TLN2: variants seen among roughly 807,000 people sequenced by gnomAD.
TLN2 encodes the protein talin-2.
In TLN2, 118 loss-of-function variants were observed where a neutral mutation model predicts 294.7. The ratio of observed to expected loss-of-function variants is 0.40; its 90% CI spans 0.34 to 0.47. TLN2 has a LOEUF of 0.47. Ranked by LOEUF, TLN2 falls within the 20% of genes least tolerant of loss-of-function variation. The pLI is 0.84. For missense variants in TLN2, 3,083 were observed against 3,282.2 expected (o/e 0.94, Z 1.48); for synonymous variants, 1,431 against 1,304.5 (o/e 1.10, Z -2.09).
rs539870863 is a variant in TLN2, at chr15:62,543,460, G to T, written c.-237-46227G>T. ...AGGAATGAAAAATGATGAGACAGAT[G>T]TAAGATGGAGCTCTAGGCCAGACGC... On this transcript the variant is annotated intron_variant, in intron 1 of 58. Transcript: ENST00000636159. 2.0e-5 allele frequency among the ~76,000 whole-genome samples: 3 copies of T among 152,204 alleles called. No individual in the cohort carries two copies. In the South Asian group the frequency reaches 6.2e-4, roughly 32 times the overall value.
At chr15:62,570,943 G>A (rs1317383379) in intron 1 of TLN2, among the ~76,000 whole-genome samples, 2 of 149,082 alleles carry the variant, frequency 1.3e-5, no homozygotes, top group African/African-American at 2.5e-5. Flanking sequence ...GTGTGTGTGT[G>A]TAGGGAGGAG....
intron 1 of TLN2, among the ~76,000 whole-genome samples, chr15:62,569,494 G>A (rs2043685565): frequency 6.6e-6 from 1 of 152,196 alleles, no homozygotes; most frequent in South Asian, 2.1e-4. Flanking sequence ...GGCATTTGGT[G>A]CCCAGGATTG....
intron 9 of TLN2, among the ~76,000 whole-genome samples, chr15:62,670,884 A>G (rs1245555351): frequency 6.6e-6 from 1 of 152,186 alleles, no homozygotes; most frequent in African/African-American, 2.4e-5. Context: ...CAGCTGTACC[A>G]TTGTACATTC....
chr15:62,677,790 T>C (rs1327795220), intron 11 of TLN2, among the ~76,000 whole-genome samples: 1 of 128,666 alleles, frequency 7.8e-6, no homozygotes, highest in African/African-American at 2.7e-5. Context: ...ATTAAGAAAG[T>C]AGGCAGCACT....
intron 12 of TLN2, among the ~76,000 whole-genome samples, chr15:62,691,352 T>A (rs1044505236): frequency 3.3e-5 from 5 of 152,318 alleles, no homozygotes; most frequent in African/African-American, 1.2e-4. Context: ...GATTTTATTT[T>A]TTATTATCTC....
chr15:62,840,802 A>C lies in TLN2; in HGVS notation c.*192A>C. On this transcript the variant is annotated 3_prime_UTR_variant, in exon 59 of 59. Transcript: ENST00000636159. ...CATGATCGTGATGTCACACGGTACAATGTCCTACCCACAACTCCTCTGCCG... is the reference window on the plus strand; with the variant it reads ...CATGATCGTGATGTCACACGGTACACTGTCCTACCCACAACTCCTCTGCCG... 1 of 733,968 alleles carries C rather than the reference A, an allele frequency of 1.4e-6. No homozygotes were observed. Among genetic ancestry groups the C allele is most frequent in the Non-Finnish European group, 2.1e-6 (1 of 471,350 alleles). 45.5% of individuals were successfully genotyped at this position (733,968 alleles called of 1,614,324 possible).
intron 25 of TLN2, among the ~76,000 whole-genome samples, chr15:62,721,513 C>A (rs7170437): frequency 0.25 from 37,204 of 151,798 alleles, 5,183 homozygotes; most frequent in East Asian, 0.59. Context: ...TTCATTAATT[C>A]TTTAAATATT....
At chr15:62,581,336 CT>C (rs760590054) in intron 1 of TLN2, among the ~76,000 whole-genome samples, 3 of 152,116 alleles carry the variant, frequency 2.0e-5, no homozygotes, top group Admixed American at 1.3e-4. Context: ...TAGCGCTTTT[CT>C]TTTTAGCACT....
chr15:62,458,586 C>T (rs1261828450), intron 1 of TLN2, among the ~76,000 whole-genome samples: 2 of 131,500 alleles, frequency 1.5e-5, no homozygotes, highest in East Asian at 2.3e-4. Context: ...GGGAACATGG[C>T]AAAACCTCGT....
chr15:62,675,794 C>T (rs1038293110), intron 11 of TLN2, among the ~76,000 whole-genome samples: 3 of 152,112 alleles, frequency 2.0e-5, no homozygotes, highest in Admixed American at 1.3e-4. Context: ...GTCTGTTTTC[C>T]TACTAGAGGA....
intron 57 of TLN2, among the ~76,000 whole-genome samples, chr15:62,836,497 A>G (rs1472918014): frequency 1.3e-5 from 2 of 152,214 alleles, no homozygotes; most frequent in African/African-American, 4.8e-5. Flanking sequence ...AGATGCAGGC[A>G]CCACATCTTC....
At chr15:62,805,216 G>T (rs1265148532) in intron 50 of TLN2, among the ~76,000 whole-genome samples, 2 of 84,644 alleles carry the variant, frequency 2.4e-5, no homozygotes, top group African/African-American at 8.9e-5. Flanking sequence ...ACCAGCACTG[G>T]GACTGAGAGT....
At chr15:62,765,119 C>T (rs1386252254) in intron 40 of TLN2, among the ~76,000 whole-genome samples, 1 of 151,582 alleles carries the variant, frequency 6.6e-6, no homozygotes, top group East Asian at 1.9e-4. Flanking sequence ...CCTTTAATTG[C>T]ATGTGCTCCC....
At chr15:62,786,349 C>T (rs1377773841) in intron 45 of TLN2, among the ~76,000 whole-genome samples, 1 of 152,176 alleles carries the variant, frequency 6.6e-6, no homozygotes, top group African/African-American at 2.4e-5. Flanking sequence ...GTGACAATTA[C>T]AGGAAAAGTC....
rs191681430 is a variant in TLN2, at chr15:62,631,280, G to A, written c.-37+12805G>A. Among the ~76,000 whole-genome samples the A allele has an allele frequency of 3.4e-4, 51 of 152,076 alleles. No homozygotes were observed. In the East Asian group the frequency reaches 9.9e-3, roughly 30 times the overall value. On this transcript the variant is annotated intron_variant, in intron 3 of 58. Transcript: ENST00000636159. Reference sequence around the variant, plus strand: ...CCACCTCTTAATACTGTTGTATTGGGGATTAAGTTTCAACATGAATTTTGG... The same window carrying A: ...CCACCTCTTAATACTGTTGTATTGGAGATTAAGTTTCAACATGAATTTTGG...
At chr15:62,576,613 T>C (rs1329304620) in intron 1 of TLN2, among the ~76,000 whole-genome samples, 1 of 148,826 alleles carries the variant, frequency 6.7e-6, no homozygotes, top group African/African-American at 2.5e-5. Context: ...TTTTTTTTTT[T>C]TTTGCATTTT....
chr15:62,570,903 CTGTG>C (rs58523803), intron 1 of TLN2, among the ~76,000 whole-genome samples: 25,972 of 143,740 alleles, frequency 0.18, 2,519 homozygotes, highest in East Asian at 0.41. Context: ...GCACAGGCAT[CTGTG>C]TGTGTGTGTG....
intron 42 of TLN2, among the ~76,000 whole-genome samples, 158 bp downstream of exon 42, chr15:62,771,292 G>A (rs1457867850): frequency 6.6e-6 from 1 of 152,170 alleles, no homozygotes; most frequent in Non-Finnish European, 1.5e-5. Context: ...GCCTTCCCAA[G>A]GTTCTTAGGG....
rs542590510 is a variant in TLN2 at position 62,558,023 on chromosome 15, C to T, written c.-237-31664C>T. Among the ~76,000 whole-genome samples the T allele has an allele frequency of 2.4e-4, 37 of 152,336 alleles. 1 individual carries two copies. Among genetic ancestry groups the T allele is most frequent in the South Asian group, 1.0e-3 (5 of 4,826 alleles). On this transcript the variant is annotated intron_variant, in intron 1 of 58. Transcript: ENST00000636159. ...TCATTGCCTATTTCAGCCAAAGCAGCTCTGCTTTTATGCATCTCTGTTGCT... is the reference window on the plus strand; with the variant it reads ...TCATTGCCTATTTCAGCCAAAGCAGTTCTGCTTTTATGCATCTCTGTTGCT...
Sources: gnomAD v4.1 joint callset for allele counts (sites outside exome capture counted in the v4.1 genomes callset) on GRCh38, gnomAD v4.1.1 for gene constraint, MANE v1.5 for transcripts, NCBI Gene and HGNC (gene_info 2026-07-23, HGNC 2026-07-21) for gene names.